PRKAG2: variants seen among roughly 807,000 people sequenced by gnomAD.
PRKAG2 encodes 5'-AMP-activated protein kinase subunit gamma-2.
A neutral mutation model predicts 69.6 loss-of-function variants in PRKAG2; 26 were observed. The ratio of observed to expected loss-of-function variants is 0.37; its 90% CI spans 0.27 to 0.52. The LOEUF (loss-of-function observed/expected upper bound fraction) is 0.52. Among genes scored for constraint, PRKAG2 ranks in the 20% least tolerant of loss-of-function variants. The pLI is 0.90. For missense variants in PRKAG2, 557 were observed against 740.0 expected (o/e 0.75, Z 2.87); for synonymous variants, 293 against 285.0 (o/e 1.03, Z -0.28).
intron 4 of PRKAG2, among the ~76,000 whole-genome samples, chr7:151,665,176 G>A (rs1830865841): frequency 6.6e-6 from 1 of 152,094 alleles, no homozygotes; most frequent in Non-Finnish European, 1.5e-5. Context: ...TCAAAGAGAG[G>A]AATGATCTCA....
chr7:151,784,106 C>T (rs989123369), intron 2 of PRKAG2, among the ~76,000 whole-genome samples: 4 of 152,004 alleles, frequency 2.6e-5, no homozygotes, highest in Admixed American at 6.5e-5. Flanking sequence ...CTCAGTTTCC[C>T]GCAATGTGGA....
intron 1 of PRKAG2, among the ~76,000 whole-genome samples, chr7:151,792,368 T>C (rs778933440): frequency 1.3e-5 from 2 of 152,210 alleles, no homozygotes; most frequent in African/African-American, 2.4e-5. Context: ...CTATCCACAT[T>C]TGGAGTCACA....
intron 3 of PRKAG2, among the ~76,000 whole-genome samples, chr7:151,746,650 G>A (rs528143346): frequency 2.0e-5 from 3 of 152,346 alleles, no homozygotes; most frequent in East Asian, 1.9e-4. Flanking sequence ...AGGACCTCGC[G>A]TGAACAGCTG....
chr7:151,613,737 A>T (rs1224909981), intron 5 of PRKAG2, among the ~76,000 whole-genome samples: 3 of 150,206 alleles, frequency 2.0e-5, no homozygotes, highest in Non-Finnish European at 1.5e-5. Flanking sequence ...ACCTCAGGTG[A>T]TCTGCCCAGC....
At chr7:151,746,770 G>C (rs1276935322) in intron 3 of PRKAG2, among the ~76,000 whole-genome samples, 1 of 152,210 alleles carries the variant, frequency 6.6e-6, no homozygotes, top group African/African-American at 2.4e-5. Context: ...CCTGGGGAGA[G>C]AGCGCTGGGC....
intron 5 of PRKAG2, among the ~76,000 whole-genome samples, chr7:151,602,110 G>T (rs1313451926): frequency 1.3e-5 from 2 of 152,252 alleles, no homozygotes; most frequent in African/African-American, 2.4e-5. Context: ...TAAGGATGAC[G>T]CTCCTCGCGC....
At chr7:151,629,432 C>T (rs1254257186) in intron 5 of PRKAG2, among the ~76,000 whole-genome samples, 4 of 152,100 alleles carry the variant, frequency 2.6e-5, no homozygotes, top group African/African-American at 7.2e-5. Flanking sequence ...CTGCACCTGT[C>T]GGATATACGG....
chr7:151,721,869 A>G (rs1168155987), intron 3 of PRKAG2, among the ~76,000 whole-genome samples: 3 of 151,996 alleles, frequency 2.0e-5, no homozygotes, highest in Admixed American at 1.3e-4. Context: ...AACACTACAC[A>G]TACTCCTTGT....
In PRKAG2 at chr7:151,610,885, G is replaced by A. The variant is rs576675165; in HGVS notation, c.755-15431C>T. On this transcript the variant is annotated intron_variant, in intron 5 of 15. Transcript: ENST00000287878. Reference sequence around the variant, plus strand: ...TCCTGCCTTAGCTTCCTGAGTAGCTGGGATTTCAGGCGCCCACCCCCATGC... The same window carrying A: ...TCCTGCCTTAGCTTCCTGAGTAGCTAGGATTTCAGGCGCCCACCCCCATGC... 2.6e-5 allele frequency among the ~76,000 whole-genome samples: 4 copies of A among 151,456 alleles called. No homozygotes were observed. The South Asian group carries it at 8.4e-4, about 32-fold the overall frequency.
intron 3 of PRKAG2, among the ~76,000 whole-genome samples, chr7:151,726,047 G>A (rs1797887976): frequency 1.3e-5 from 2 of 152,128 alleles, no homozygotes; most frequent in Non-Finnish European, 2.9e-5. Flanking sequence ...GGCTGAGCCC[G>A]AGGAAGCAGG....
At chr7:151,731,557 G>A (rs1031767739) in intron 3 of PRKAG2, among the ~76,000 whole-genome samples, 3 of 150,246 alleles carry the variant, frequency 2.0e-5, no homozygotes, top group Admixed American at 6.6e-5. Flanking sequence ...CATGACATGT[G>A]TGTGCGAGTG....
At chr7:151,739,563 G>T (rs2073722995) in intron 3 of PRKAG2, among the ~76,000 whole-genome samples, 1 of 151,954 alleles carries the variant, frequency 6.6e-6, no homozygotes, top group Non-Finnish European at 1.5e-5. Context: ...TCCGCCTCCT[G>T]GGCTCAAATG....
Position 151,876,512 on chromosome 7 carries a change from T to C in PRKAG2, c.109A>G (p.Ile37Val). 1 of 1,605,862 alleles carries C rather than the reference T, an allele frequency of 6.2e-7. No individual in the cohort carries two copies. The highest frequency in any genetic ancestry group is 8.5e-7 in the Non-Finnish European group (1 of 1,179,476). The change falls in exon 1 of 16, where the codon ATT becomes GTT. Residue 37 changes from isoleucine to valine, a missense_variant. Coordinates refer to ENST00000287878, the MANE Select transcript of PRKAG2 (RefSeq NM_016203.4). Reference protein sequence around the residue: ...SQKRRSLRVHIPDLSSFAMPL... With the variant: ...SQKRRSLRVHVPDLSSFAMPL... ...GACCGAGTGCTGGGACTCACCGGAA[T>C]GTGCACGCGCAGCGAACGCCTCTTC...
chr7:151,600,689 G>A (rs149482216), intron 5 of PRKAG2, among the ~76,000 whole-genome samples: 2 of 152,178 alleles, frequency 1.3e-5, no homozygotes, highest in East Asian at 3.9e-4. Flanking sequence ...CTAAGCAAAC[G>A]GTCTCCCTGT....
rs566147685 is a variant in PRKAG2, at chr7:151,719,833, TC to T, written c.467-44197del. 5.9e-4 allele frequency among the ~76,000 whole-genome samples: 90 copies of T among 152,242 alleles called. No individual in the cohort carries two copies. Among genetic ancestry groups the T allele is most frequent in the Admixed American group, 2.4e-3 (36 of 15,300 alleles). ...TGCCAGGCAGCCTGTAAGTTGGGGC[TC>T]CAAGTAACGCCTTCCCTGGCCCCTG... On this transcript the variant is annotated intron_variant, in intron 3 of 15. Coordinates refer to ENST00000287878, the MANE Select transcript of PRKAG2 (RefSeq NM_016203.4). This position sits in a 1 kb window ranked among gnomAD's most constrained non-coding sequence, Gnocchi z 5.2.
chr7:151,595,049 C>A (rs1387915798), intron 6 of PRKAG2, among the ~76,000 whole-genome samples: 1 of 152,180 alleles, frequency 6.6e-6, no homozygotes, highest in African/African-American at 2.4e-5. Context: ...CTGCCAGCCT[C>A]GGCCTCCCAA....
intron 3 of PRKAG2, among the ~76,000 whole-genome samples, chr7:151,727,973 G>A (rs534477741): frequency 1.1e-4 from 17 of 152,296 alleles, no homozygotes; most frequent in African/African-American, 4.1e-4. Context: ...CCCTGGGGCG[G>A]ACGCCCGGAC....
intron 3 of PRKAG2, among the ~76,000 whole-genome samples, chr7:151,720,414 AG>A (rs1249632551): frequency 2.6e-5 from 4 of 151,822 alleles, no homozygotes; most frequent in African/African-American, 9.7e-5. Context: ...CTAGCTCAGG[AG>A]GTCGGTCTAT....
chr7:151,844,866 CATACATAT>C (rs2079393189), intron 1 of PRKAG2, among the ~76,000 whole-genome samples: 1 of 152,186 alleles, frequency 6.6e-6, no homozygotes, highest in East Asian at 1.9e-4. Flanking sequence ...ATTGTTGTCA[CATACATAT>C]ATTCCCTCTT....
Sources: gnomAD v4.1 joint callset for allele counts (sites outside exome capture counted in the v4.1 genomes callset) on GRCh38, gnomAD v4.1.1 for gene constraint, Gnocchi (gnomAD v3.1) non-coding constraint, MANE v1.5 for transcripts, NCBI Gene and HGNC (gene_info 2026-07-23, HGNC 2026-07-21) for gene names.